CFH: variants seen among roughly 807,000 people sequenced by gnomAD.
CFH encodes H factor 1 (complement).
A neutral mutation model predicts 147.3 loss-of-function variants in CFH; 53 were observed. That is an observed-to-expected ratio of 0.36 (90% CI 0.29 to 0.45). The LOEUF is 0.45. Among genes scored for constraint, CFH ranks in the 20% least tolerant of loss-of-function variants. CFH has a pLI of 1.00. For missense variants in CFH, 1,380 were observed against 1,498.0 expected (o/e 0.92, Z 1.30); for synonymous variants, 536 against 489.4 (o/e 1.10, Z -1.26).
chr1:196,700,512 G>A (rs1048926420), intron 9 of CFH, among the ~76,000 whole-genome samples: 1 of 151,994 alleles, frequency 6.6e-6, no homozygotes, highest in African/African-American at 2.4e-5. Flanking sequence ...AAGTTGCCCA[G>A]GCATGGTGGC....
At chr1:196,675,227 A>C (rs1397189742) in intron 3 of CFH, among the ~76,000 whole-genome samples, 1 of 152,182 alleles carries the variant, frequency 6.6e-6, no homozygotes, top group Non-Finnish European at 1.5e-5. Flanking sequence ...CACATGTCCC[A>C]GGGAACTCAT....
At chr1:196,687,636 A>G (rs957972318) in intron 7 of CFH, among the ~76,000 whole-genome samples, 3 of 152,068 alleles carry the variant, frequency 2.0e-5, no homozygotes, top group African/African-American at 7.2e-5. Context: ...AGCTCCCACA[A>G]ATCCAAGACT....
At chr1:196,724,800 A>T (rs964679411) in intron 11 of CFH, among the ~76,000 whole-genome samples, 1 of 152,116 alleles carries the variant, frequency 6.6e-6, no homozygotes, top group Non-Finnish European at 1.5e-5. Context: ...TGAGAGAGTA[A>T]TTTCATGTTT....
chr1:196,703,808 C>G (rs980300156), intron 9 of CFH, among the ~76,000 whole-genome samples: 10 of 151,604 alleles, frequency 6.6e-5, no homozygotes, highest in Non-Finnish European at 7.4e-5. Flanking sequence ...CACAGTGAAA[C>G]CCCGTCTCTG....
intron 1 of CFH, among the ~76,000 whole-genome samples, chr1:196,657,730 C>T (rs1205028517): frequency 3.3e-5 from 5 of 151,990 alleles, no homozygotes; most frequent in Non-Finnish European, 5.9e-5. Flanking sequence ...TGTAACTTTG[C>T]TTTATAATAT....
intron 9 of CFH, among the ~76,000 whole-genome samples, chr1:196,695,547 A>G (rs989546208): frequency 1.8e-4 from 28 of 151,504 alleles, no homozygotes; most frequent in African/African-American, 6.8e-4. Context: ...GTGAAGAAAG[A>G]TAATGATAGC....
chr1:196,653,413 C>T (rs1326600345), intron 1 of CFH, among the ~76,000 whole-genome samples: 2 of 151,574 alleles, frequency 1.3e-5, no homozygotes, highest in Non-Finnish European at 3.0e-5. Flanking sequence ...TCAATATTAC[C>T]TATTGTAAAA....
At position 196,723,986 on chromosome 1, in the gene CFH, C is replaced by T. The variant is rs190478440; in HGVS notation, c.1697-1135C>T. Among the ~76,000 whole-genome samples, 12 of 152,100 alleles carry T rather than the reference C, an allele frequency of 7.9e-5. No individual in the cohort carries two copies. In the East Asian group the frequency reaches 2.3e-3, roughly 30 times the overall value. On this transcript the variant is annotated intron_variant, in intron 11 of 21. Coordinates refer to ENST00000367429, the MANE Select transcript of CFH (RefSeq NM_000186.4). ...CCCAAGCGCTGGGACCATTGGGCTC[C>T]TGGGATGGATCTATACTCCTCCCTT...
At chr1:196,708,125 C>T (rs1432569468) in intron 9 of CFH, among the ~76,000 whole-genome samples, 1 of 152,114 alleles carries the variant, frequency 6.6e-6, no homozygotes, top group Non-Finnish European at 1.5e-5. Context: ...TCTAATTATA[C>T]CTCTCCTGTT....
chr1:196,714,641 A>ATG (rs1668808728), intron 10 of CFH, among the ~76,000 whole-genome samples: 24 of 24,750 alleles, frequency 9.7e-4, no homozygotes, highest in African/African-American at 4.8e-3. Context: ...ATATGTATAT[A>ATG]TATATATATA....
intron 9 of CFH, among the ~76,000 whole-genome samples, chr1:196,709,360 A>T (rs1668671538): frequency 6.6e-6 from 1 of 152,158 alleles, no homozygotes; most frequent in Non-Finnish European, 1.5e-5. Flanking sequence ...TTCATCCAGC[A>T]CCCTAAGCTG....
At chr1:196,701,031 G>C (rs1252516792) in intron 9 of CFH, among the ~76,000 whole-genome samples, 1 of 152,142 alleles carries the variant, frequency 6.6e-6, no homozygotes, top group African/African-American at 2.4e-5. Flanking sequence ...TATTTGAGGA[G>C]ATCTCCCTTC....
At chr1:196,710,701 T>C (rs190775963) in intron 9 of CFH, among the ~76,000 whole-genome samples, 5 of 152,316 alleles carry the variant, frequency 3.3e-5, no homozygotes, top group Non-Finnish European at 4.4e-5. Context: ...GGAGAACTGA[T>C]ATGTAATAGT....
At chr1:196,673,422 T>C in intron 2 of CFH, 2 of 454,050 alleles carry the variant, frequency 4.4e-6, no homozygotes, top group Non-Finnish European at 8.0e-6. Flanking sequence ...CTGCAACCTC[T>C]GCCTCCCTGG....
At chr1:196,656,309 G>GAAAAAAAAA (rs111440999) in intron 1 of CFH, among the ~76,000 whole-genome samples, 1 of 84,968 alleles carries the variant, frequency 1.2e-5, no homozygotes, top group Non-Finnish European at 3.0e-5. Context: ...ATCTCAAAAA[G>GAAAAAAAAA]AAAAAAAAAA....
At position 196,673,390 on chromosome 1, in the gene CFH, G is replaced by T; in HGVS notation, c.244+227G>T. 5.7e-6 allele frequency: 3 copies of T among 528,994 alleles called. No individual in the cohort carries two copies. The South Asian group carries it at 6.3e-5, about 11-fold the overall frequency. 32.8% of individuals were successfully genotyped at this position (528,994 alleles called of 1,614,324 possible). A position where few individuals can be genotyped will look rare whatever the true frequency, so the allele number is the denominator to read the frequency against. On this transcript the variant is annotated intron_variant, in intron 2 of 21. Transcript: ENST00000367429. ...TCTCCCTCTATCGCCTGGCTGGAGT[G>T]CAGTGGCGCTATTTCGGCTCACTGC...
At chr1:196,658,502 C>T (rs576315856) in intron 1 of CFH, among the ~76,000 whole-genome samples, 396 of 149,654 alleles carry the variant, frequency 2.6e-3, no homozygotes, top group African/African-American at 9.4e-3. Context: ...AGCTCCGCCT[C>T]CCGGGTTCAC....
chr1:196,686,406 A>T lies in CFH; in HGVS notation c.964+1169A>T, dbSNP rs144677941. Among the ~76,000 whole-genome samples, 561 of 152,202 alleles carry T rather than the reference A, an allele frequency of 3.7e-3. 7 individuals are homozygous for T. Among genetic ancestry groups the T allele is most frequent in the African/African-American group, 0.012 (517 of 41,540 alleles). ...GTGTTGGAGGTAATTTCCAAAAATC[A>T]TCACATGTAGCAAAATACCACTCAA... On this transcript the variant is annotated intron_variant, in intron 7 of 21. Transcript: ENST00000367429.
intron 6 of CFH, among the ~76,000 whole-genome samples, chr1:196,680,814 T>C (rs1051379518): frequency 2.6e-5 from 4 of 151,948 alleles, no homozygotes; most frequent in African/African-American, 9.7e-5. Flanking sequence ...GAATAGTTAA[T>C]TTTGGGTTAA....
Sources: allele counts gnomAD v4.1 joint callset (sites outside exome capture counted in the v4.1 genomes callset), GRCh38; gene constraint gnomAD v4.1.1; transcripts MANE v1.5; gene names NCBI Gene and HGNC (gene_info 2026-07-23, HGNC 2026-07-21).